ERC2: variants seen among roughly 807,000 people sequenced by gnomAD.
ERC2 encodes ERC protein 2.
In ERC2, 42 loss-of-function variants were observed where a neutral mutation model predicts 114.8. The ratio of observed to expected loss-of-function variants is 0.37; its 90% CI spans 0.29 to 0.47. The LOEUF (loss-of-function observed/expected upper bound fraction) is 0.47, where lower values mean the gene tolerates loss of function less well. Ranked by LOEUF, ERC2 falls within the 20% of genes least tolerant of loss-of-function variation. The pLI, the probability that ERC2 is intolerant of heterozygous loss-of-function variation, is 0.99. For synonymous variants in ERC2, 454 were observed against 425.5 expected, an observed-to-expected ratio of 1.07 and a Z score of -0.82; for missense variants, 939 against 1,150.7, an observed-to-expected ratio of 0.82 and a Z score of 2.66.
chr3:56,221,451 T>C (rs865904765), intron 3 of ERC2, among the ~76,000 whole-genome samples: 1 of 151,344 alleles, frequency 6.6e-6, no homozygotes, highest in Middle Eastern at 3.5e-3. Context: ...GCATTCCCTG[T>C]AGAATAATAA....
chr3:56,284,182 C>G (rs893654168), intron 3 of ERC2, among the ~76,000 whole-genome samples: 1 of 152,094 alleles, frequency 6.6e-6, no homozygotes, highest in Admixed American at 6.5e-5. Flanking sequence ...ATCATATAGT[C>G]TGAACTTAAA....
intron 2 of ERC2, among the ~76,000 whole-genome samples, chr3:56,364,873 T>C (rs532127844): frequency 6.6e-6 from 1 of 152,176 alleles, no homozygotes; most frequent in Non-Finnish European, 1.5e-5. Flanking sequence ...TCTGGCCACA[T>C]GAATGTCTGT....
intron 14 of ERC2, among the ~76,000 whole-genome samples, chr3:55,740,520 A>C (rs2065911507): frequency 6.6e-6 from 1 of 152,160 alleles, no homozygotes; most frequent in Admixed American, 6.5e-5. Context: ...ACCTTGATTG[A>C]GATCTACATT....
intron 14 of ERC2, among the ~76,000 whole-genome samples, chr3:55,857,029 T>C (rs1055991424): frequency 6.6e-6 from 1 of 151,886 alleles, no homozygotes; most frequent in Admixed American, 6.6e-5. Flanking sequence ...TAATAGACAG[T>C]AATTGCTTAA....
At position 55,842,971 on chromosome 3, in the gene ERC2, A is replaced by G. The variant is rs865968979; in HGVS notation, c.2564+45418T>C. Among the ~76,000 whole-genome samples, 14 of 152,252 alleles carry G rather than the reference A, an allele frequency of 9.2e-5. No homozygotes were observed. The Middle Eastern group carries it at 0.01, about 111-fold the overall frequency. Reference sequence around the variant, plus strand: ...CAGAGTCCATGAATAAAAATATGCAATGTATTTATCAAGGCTCCAAACCCA... The same window carrying G: ...CAGAGTCCATGAATAAAAATATGCAGTGTATTTATCAAGGCTCCAAACCCA... On this transcript the variant is annotated intron_variant, in intron 14 of 17. Coordinates refer to ENST00000288221, the MANE Select transcript of ERC2 (RefSeq NM_015576.3).
At position 56,450,840 on chromosome 3, in the gene ERC2, A is replaced by G. The variant is rs1197152931; in HGVS notation, c.-140-15693T>C. The stretch of plus-strand genomic sequence containing the variant: ...AGAGAGACCTTATCTCTAAAAAAAT[A>G]AATAAATTTTAAAAATGGCAAAATC... On this transcript the variant is annotated intron_variant, in intron 1 of 17. Coordinates refer to ENST00000288221, the MANE Select transcript of ERC2 (RefSeq NM_015576.3). 2.0e-5 allele frequency among the ~76,000 whole-genome samples: 3 copies of G among 152,336 alleles called. No individual in the cohort carries two copies. The East Asian group carries it at 5.8e-4, about 29-fold the overall frequency.
At chr3:55,714,081 A>G (rs2063939255) in intron 15 of ERC2, among the ~76,000 whole-genome samples, 1 of 152,230 alleles carries the variant, frequency 6.6e-6, no homozygotes, top group Non-Finnish European at 1.5e-5. Context: ...GAGGACCAAT[A>G]TTGAACCTAT....
intron 3 of ERC2, among the ~76,000 whole-genome samples, chr3:56,183,884 T>C (rs1267687783): frequency 6.6e-6 from 1 of 151,956 alleles, no homozygotes; most frequent in Non-Finnish European, 1.5e-5. Flanking sequence ...TATAAAGATA[T>C]ATATAAAAAT....
chr3:55,910,424 C>A (rs887470127), intron 13 of ERC2, among the ~76,000 whole-genome samples: 1 of 151,334 alleles, frequency 6.6e-6, no homozygotes, highest in Non-Finnish European at 1.5e-5. Flanking sequence ...AAAAACAAAA[C>A]AAAACAAAAG....
chr3:56,098,626 A>C lies in ERC2; in HGVS notation c.1474-17642T>G, dbSNP rs76914523. On this transcript the variant is annotated intron_variant, in intron 6 of 17. Transcript: ENST00000288221. ...ATACCTCTCATAAAGTGCTCTGTTT[A>C]TCATCTTAGGGAATCTGCTTGTTTG... Among the ~76,000 whole-genome samples, 505 of 152,304 alleles carry C rather than the reference A, an allele frequency of 3.3e-3. 6 individuals carry two copies. Among genetic ancestry groups the C allele is most frequent in the African/African-American group, 0.011 (451 of 41,570 alleles).
rs143400649 is a variant in ERC2 at position 55,539,617 on chromosome 3, C to T, written c.*40-28341G>A. Among the ~76,000 whole-genome samples the T allele has an allele frequency of 8.1e-3, 1,219 of 151,384 alleles. 12 individuals are homozygous for T. The highest frequency in any genetic ancestry group is 0.013 in the Non-Finnish European group (906 of 67,826). On this transcript the variant is annotated intron_variant, in intron 17 of 17. Transcript: ENST00000288221. ...TGTTTTTTTGTAATTTTAGTAGAGA[C>T]AGGGTTTCACCATGTTAGCCAGGAT...
chr3:56,277,452 C>G (rs2054076675), intron 3 of ERC2, among the ~76,000 whole-genome samples: 1 of 152,122 alleles, frequency 6.6e-6, no homozygotes, highest in African/African-American at 2.4e-5. Flanking sequence ...ACCCTGCCTC[C>G]CTCGTGACTG....
intron 14 of ERC2, among the ~76,000 whole-genome samples, chr3:55,820,651 C>A (rs1053478800): frequency 1.3e-4 from 20 of 152,092 alleles, no homozygotes; most frequent in Non-Finnish European, 2.1e-4. Context: ...GTAGCATACC[C>A]AAGGTTACAC....
At chr3:55,759,403 A>G (rs558082168) in intron 14 of ERC2, among the ~76,000 whole-genome samples, 1 of 132,108 alleles carries the variant, frequency 7.6e-6, no homozygotes, top group African/African-American at 2.8e-5. Flanking sequence ...AGTGTTCGCT[A>G]TTGTCTCCTC....
chr3:56,234,223 T>G (rs1446785533), intron 3 of ERC2, among the ~76,000 whole-genome samples: 1 of 152,164 alleles, frequency 6.6e-6, no homozygotes, highest in East Asian at 1.9e-4. Flanking sequence ...TGAAATAAAC[T>G]CAATTCACTC....
At chr3:55,956,453 T>C (rs2067961794) in intron 12 of ERC2, among the ~76,000 whole-genome samples, 1 of 152,086 alleles carries the variant, frequency 6.6e-6, no homozygotes, top group African/African-American at 2.4e-5. Flanking sequence ...CATTTTTTTT[T>C]TGAAGCTTGT....
At chr3:56,281,164 A>G (rs2054312924) in intron 3 of ERC2, among the ~76,000 whole-genome samples, 1 of 152,164 alleles carries the variant, frequency 6.6e-6, no homozygotes, top group African/African-American at 2.4e-5. Flanking sequence ...CAGGCCGGGC[A>G]CGGTGGCTCA....
chr3:56,430,909 T>A lies in ERC2; in HGVS notation c.657+3442A>T, dbSNP rs75021012. On this transcript the variant is annotated intron_variant, in intron 2 of 17. Coordinates refer to ENST00000288221, the MANE Select transcript of ERC2 (RefSeq NM_015576.3). ...ATAATACTAAATCACAGCTCAGTGATCTTTTAAGGAGGTAGTGATCATAAA... is the reference window on the plus strand; with the variant it reads ...ATAATACTAAATCACAGCTCAGTGAACTTTTAAGGAGGTAGTGATCATAAA... Among the ~76,000 whole-genome samples the A allele has an allele frequency of 2.5e-3, 383 of 152,318 alleles. 1 individual carries two copies. Among genetic ancestry groups the A allele is most frequent in the African/African-American group, 8.9e-3 (372 of 41,574 alleles).
chr3:56,006,334 C>A (rs1302586718), intron 10 of ERC2, among the ~76,000 whole-genome samples: 1 of 151,960 alleles, frequency 6.6e-6, no homozygotes. Flanking sequence ...TAACTTTAGC[C>A]AATAAATCCC....
Sources: allele counts gnomAD v4.1 joint callset (sites outside exome capture counted in the v4.1 genomes callset), GRCh38; gene constraint gnomAD v4.1.1; transcripts MANE v1.5; gene names NCBI Gene and HGNC (gene_info 2026-07-23, HGNC 2026-07-21).